PDE1A: variants seen among roughly 807,000 people sequenced by gnomAD.
PDE1A encodes phosphodiesterase 1A.
PDE1A carries 35 observed loss-of-function variants against 61.7 expected under a neutral mutation model. The observed-to-expected ratio is 0.57, with a 90% CI of 0.43 to 0.75. The LOEUF (loss-of-function observed/expected upper bound fraction) is 0.75. Among genes scored for constraint, PDE1A ranks in the 30% least tolerant of loss-of-function variants. The pLI is 0.00. For synonymous variants in PDE1A, 232 were observed against 213.2 expected (o/e 1.09, Z -0.77); for missense variants, 597 against 630.6 (o/e 0.95, Z 0.57).
chr2:182,542,421 TA>T, the PDE1A span, among the ~76,000 whole-genome samples: 96 of 152,266 alleles, frequency 6.3e-4, no homozygotes, highest in Non-Finnish European at 1.3e-3. Context: ...TAAATTTAGG[TA>T]AAAACATCAC....
At chr2:182,273,703 C>A (rs1693203935) in intron 1 of PDE1A, among the ~76,000 whole-genome samples, 1 of 151,974 alleles carries the variant, frequency 6.6e-6, no homozygotes, top group Admixed American at 6.6e-5. Context: ...TTACAAAAAT[C>A]AAATTAAATT....
chr2:182,502,757 C>T (rs914977867), intron 2 of PDE1A, among the ~76,000 whole-genome samples: 5 of 152,098 alleles, frequency 3.3e-5, no homozygotes, highest in African/African-American at 1.2e-4. Context: ...CTTGGCCAGA[C>T]CTGAGCTCAT....
the PDE1A span, among the ~76,000 whole-genome samples, chr2:182,649,754 C>A: frequency 6.6e-6 from 1 of 151,850 alleles, no homozygotes; most frequent in East Asian, 1.9e-4. Flanking sequence ...GGATTACAGG[C>A]GCCTGCCACC....
chr2:182,322,589 T>TA (rs1696766655), intron 1 of PDE1A, among the ~76,000 whole-genome samples: 1 of 152,162 alleles, frequency 6.6e-6, no homozygotes, highest in African/African-American at 2.4e-5. Flanking sequence ...GTCTCAGAAG[T>TA]TTCTTCATAG....
At chr2:182,324,332 A>G (rs1696905720) in intron 1 of PDE1A, among the ~76,000 whole-genome samples, 1 of 151,886 alleles carries the variant, frequency 6.6e-6, no homozygotes, top group South Asian at 2.1e-4. Context: ...CATTTTGGGA[A>G]CTTGCATACA....
intron 1 of PDE1A, among the ~76,000 whole-genome samples, chr2:182,414,296 A>G (rs6759413): frequency 0.048 from 7,356 of 152,218 alleles, 582 homozygotes; most frequent in African/African-American, 0.17. Context: ...AAGTAACTCA[A>G]TAAGTTATGA....
the PDE1A span, among the ~76,000 whole-genome samples, chr2:182,557,527 C>A: frequency 6.6e-6 from 1 of 151,882 alleles, no homozygotes; most frequent in African/African-American, 2.4e-5. Flanking sequence ...GCCTGGGGAA[C>A]ATGATGAGAC....
chr2:182,265,316 ACAAAG>A (rs1428623327), intron 1 of PDE1A, among the ~76,000 whole-genome samples: 1 of 152,166 alleles, frequency 6.6e-6, no homozygotes, highest in Non-Finnish European at 1.5e-5. Flanking sequence ...AAACAAAAAA[ACAAAG>A]AGTGCTTTTC....
At chr2:182,604,893 G>T in the PDE1A span, among the ~76,000 whole-genome samples, 1 of 152,122 alleles carries the variant, frequency 6.6e-6, no homozygotes, top group South Asian at 2.1e-4. Context: ...TACTCTCAAA[G>T]AGTTTTTTCC....
intron 1 of PDE1A, among the ~76,000 whole-genome samples, chr2:182,404,166 CAA>C (rs1559426560): frequency 6.6e-6 from 1 of 152,046 alleles, no homozygotes; most frequent in Non-Finnish European, 1.5e-5. Flanking sequence ...AAAATTCATC[CAA>C]GTCTCAAACC....
chr2:182,277,792 G>A (rs978912295), intron 1 of PDE1A, among the ~76,000 whole-genome samples: 4 of 152,024 alleles, frequency 2.6e-5, no homozygotes, highest in African/African-American at 9.7e-5. Flanking sequence ...GATGCACTGA[G>A]TTTCAGCAGG....
At chr2:182,629,495 G>T in the PDE1A span, among the ~76,000 whole-genome samples, 3 of 152,082 alleles carry the variant, frequency 2.0e-5, no homozygotes, top group African/African-American at 7.2e-5. Flanking sequence ...ACTTATAGTG[G>T]GAGGATCTTA....
At chr2:182,316,521 G>A (rs1433503661) in intron 1 of PDE1A, among the ~76,000 whole-genome samples, 1 of 152,086 alleles carries the variant, frequency 6.6e-6, no homozygotes, top group Non-Finnish European at 1.5e-5. Flanking sequence ...ATTCTACTAA[G>A]CTCATAGTGT....
Position 182,366,701 on chromosome 2 carries a change from C to T in PDE1A, c.53+59877G>A, listed in dbSNP as rs1355530588. ...CTTTATTTTGGGACATTAGCTTTCC[C>T]TTTAATAGAACATCATTTCCTCAGA... On this transcript the variant is annotated intron_variant, in intron 1 of 13. Coordinates refer to ENST00000351439, the Ensembl canonical transcript of PDE1A. Among the ~76,000 whole-genome samples, 4 of 151,992 alleles carry T rather than the reference C, an allele frequency of 2.6e-5. No individual in the cohort carries two copies. In the East Asian group the frequency reaches 7.7e-4, roughly 29 times the overall value.
intron 7 of PDE1A, among the ~76,000 whole-genome samples, chr2:182,222,414 A>G (rs570299384): frequency 9.0e-4 from 137 of 152,128 alleles, no homozygotes; most frequent in African/African-American, 3.1e-3. Context: ...TGATAGCTGA[A>G]GCACAGGAGA....
intron 2 of PDE1A, among the ~76,000 whole-genome samples, chr2:182,491,507 G>A (rs1012673490): frequency 2.0e-5 from 3 of 152,128 alleles, no homozygotes; most frequent in Non-Finnish European, 4.4e-5. Flanking sequence ...CAAGGACTAC[G>A]CTGGAAAATA....
intron 2 of PDE1A, among the ~76,000 whole-genome samples, chr2:182,498,809 T>C (rs932328977): frequency 3.9e-5 from 6 of 151,978 alleles, no homozygotes; most frequent in Non-Finnish European, 7.4e-5. Flanking sequence ...CCGGACGCGG[T>C]GGCGGGCGCC....
chr2:182,693,960 T>C, the PDE1A span, among the ~76,000 whole-genome samples: 105,578 of 152,086 alleles, frequency 0.69, 37,022 homozygotes, highest in African/African-American at 0.79. Flanking sequence ...TGACAGTGTT[T>C]TTATAAAAAC....
the PDE1A span, among the ~76,000 whole-genome samples, chr2:182,582,539 T>C: frequency 9.2e-3 from 1,399 of 152,304 alleles, 6 homozygotes; most frequent in Non-Finnish European, 0.016. Flanking sequence ...ACTTGATCAA[T>C]ATGTGAGATC....
Sources: gnomAD v4.1 joint callset for allele counts (sites outside exome capture counted in the v4.1 genomes callset) on GRCh38, gnomAD v4.1.1 for gene constraint, MANE v1.5 for transcripts, NCBI Gene and HGNC (gene_info 2026-07-23, HGNC 2026-07-21) for gene names.